SOAT1: variants seen among roughly 807,000 people sequenced by gnomAD.
The protein encoded by SOAT1 is acyl-coenzyme A:cholesterol acyltransferase 1.
A neutral mutation model predicts 69.5 loss-of-function variants in SOAT1; 55 were observed. The ratio of observed to expected loss-of-function variants is 0.79; its 90% CI spans 0.64 to 0.99. The LOEUF (loss-of-function observed/expected upper bound fraction) is 0.99. Among genes scored for constraint, SOAT1 ranks in the 50% least tolerant of loss-of-function variants. The pLI is 0.00. For missense variants in SOAT1, 580 were observed against 669.3 expected (o/e 0.87, Z 1.47); for synonymous variants, 231 against 224.7 (o/e 1.03, Z -0.25).
rs201233803 is a variant in SOAT1, at chr1:179,345,038, G to A, written c.1079G>A (p.Arg360His). Residue 360 changes from arginine (R) to histidine (H), a missense_variant, in exon 11 of 16, where the codon CGT (arginine) becomes CAT (histidine). By Grantham distance (29) the Arg-to-His change is conservative. Transcript: ENST00000367619. ...RNIKQEPFSARVLVLCVFNSI... is the reference protein window; with the variant it reads ...RNIKQEPFSAHVLVLCVFNSI... ...ATCAAACAGGAGCCCTTCAGCGCTCGTGTTCTGGTCCTATGTGTATTTAAC... is the reference window on the plus strand; with the variant it reads ...ATCAAACAGGAGCCCTTCAGCGCTCATGTTCTGGTCCTATGTGTATTTAAC... 2.5e-5 allele frequency: 40 copies of A among 1,613,872 alleles called. No homozygotes were observed. Among genetic ancestry groups the A allele is most frequent in the Admixed American group, 2.0e-4 (12 of 60,002 alleles).
intron 11 of SOAT1, among the ~76,000 whole-genome samples, chr1:179,345,672 G>A (rs1433185595): frequency 1.3e-5 from 2 of 151,228 alleles, no homozygotes; most frequent in African/African-American, 4.9e-5. Flanking sequence ...TGATCCTCTC[G>A]CCTCAGTAGC....
At chr1:179,321,822 G>C (rs1198536135) in intron 2 of SOAT1, among the ~76,000 whole-genome samples, 2 of 149,872 alleles carry the variant, frequency 1.3e-5, no homozygotes, top group African/African-American at 4.9e-5. Context: ...AATCTTGTTT[G>C]TTTTCAAATC....
At position 179,339,573 on chromosome 1, in the gene SOAT1, A is replaced by G. The variant is rs200100913; in HGVS notation, c.497+28A>G. ...AAGACAACAAAAAAGATGGCTGGCTAGTTGATGCATGAGAAGTTAGAGGTT... is the reference window on the plus strand; with the variant it reads ...AAGACAACAAAAAAGATGGCTGGCTGGTTGATGCATGAGAAGTTAGAGGTT... On this transcript the variant is annotated intron_variant, in intron 6 of 15. Coordinates refer to ENST00000367619, the MANE Select transcript of SOAT1 (RefSeq NM_003101.6). The G allele has an allele frequency of 7.9e-5, 114 of 1,443,494 alleles. No homozygotes were observed. The East Asian group carries it at 2.5e-3, about 32-fold the overall frequency. The allele number at this position is 1,443,494 out of a possible 1,614,324, so 89.4% of individuals were successfully genotyped here.
At chr1:179,348,760 A>T (rs937869375) in intron 12 of SOAT1, 84 bp from the exon 13 acceptor site, 2 of 593,798 alleles carry the variant, frequency 3.4e-6, no homozygotes, top group African/African-American at 2.1e-5. Context: ...TTCGGGTGGG[A>T]TGTGTGTGTG....
chr1:179,299,743 ATCTTTTT>A, intron 1 of SOAT1, among the ~76,000 whole-genome samples: 1 of 64,776 alleles, frequency 1.5e-5, no homozygotes, highest in African/African-American at 6.0e-5. Context: ...TCATTTTGCT[ATCTTTTT>A]TTTTTTTTTT....
Position 179,343,052 on chromosome 1 carries a change from T to G in SOAT1, c.941+109T>G, listed in dbSNP as rs190174079. On this transcript the variant is annotated intron_variant, in intron 9 of 15. Transcript: ENST00000367619. ...ATGTAGGGACATAGAAAATATAGAA[T>G]GAGTTTTCATTTTCTGTCTGACCTG... is the stretch of plus-strand genomic sequence containing the variant. 3 of 816,600 alleles carry G rather than the reference T, an allele frequency of 3.7e-6. No individual in the cohort carries two copies. In the East Asian group the frequency reaches 7.3e-5, roughly 20 times the overall value. The allele number at this position is 816,600 out of a possible 1,614,324, so 50.6% of individuals were successfully genotyped here.
At position 179,340,666 on chromosome 1, in the gene SOAT1, A is replaced by G. The variant is rs531879914; in HGVS notation, c.498-362A>G. ...GTACATAAGAACGATTGCTGTTTGAATATTTTCCATAGAATATTTTACAGT... is the reference window on the plus strand; with the variant it reads ...GTACATAAGAACGATTGCTGTTTGAGTATTTTCCATAGAATATTTTACAGT... On this transcript the variant is annotated intron_variant, in intron 6 of 15. Transcript: ENST00000367619. Among the ~76,000 whole-genome samples the G allele has an allele frequency of 9.9e-5, 15 of 152,282 alleles. No homozygotes were observed. In the East Asian group the frequency reaches 2.5e-3, roughly 25 times the overall value.
intron 2 of SOAT1, among the ~76,000 whole-genome samples, chr1:179,306,536 A>T (rs1665009799): frequency 6.6e-6 from 1 of 152,166 alleles, no homozygotes; most frequent in Non-Finnish European, 1.5e-5. Context: ...AAGCGTTAAA[A>T]GTAGCACCAC....
At chr1:179,306,036 C>T (rs1030373289) in intron 2 of SOAT1, among the ~76,000 whole-genome samples, 1 of 152,174 alleles carries the variant, frequency 6.6e-6, no homozygotes, top group African/African-American at 2.4e-5. Flanking sequence ...TGGGAGAGGG[C>T]TTTCAATCCA....
rs1333376282 is a variant in SOAT1 at position 179,323,463 on chromosome 1, G to A, written c.145G>A (p.Ala49Thr). Residue 49 changes from alanine to threonine, a missense_variant, in exon 3 of 16, where the codon GCA becomes ACA. By Grantham distance (58) the Ala-to-Thr change is moderately conservative. Coordinates refer to ENST00000367619, the MANE Select transcript of SOAT1 (RefSeq NM_003101.6). ...TCGAATTGACATAAAACAGTTGATA[G>A]CAAAGAAGATAAAGTTGACAGCAGA... Reference protein sequence around the residue: ...NGRIDIKQLIAKKIKLTAEAE... With the variant: ...NGRIDIKQLITKKIKLTAEAE... The A allele has an allele frequency of 6.2e-7, 1 of 1,613,818 alleles. No individual in the cohort carries two copies. Among genetic ancestry groups the A allele is most frequent in the Admixed American group, 1.7e-5 (1 of 59,998 alleles).
At chr1:179,313,065 A>G (rs542535235) in intron 2 of SOAT1, among the ~76,000 whole-genome samples, 2 of 152,312 alleles carry the variant, frequency 1.3e-5, no homozygotes, top group African/African-American at 4.8e-5. Flanking sequence ...AGTGTTCACC[A>G]TGGCTGTGTT....
chr1:179,307,792 C>CTT (rs374097712), intron 2 of SOAT1, among the ~76,000 whole-genome samples: 17 of 140,436 alleles, frequency 1.2e-4, no homozygotes, highest in African/African-American at 3.1e-4. Context: ...AAGGTATTAT[C>CTT]TTTTTTTTTT....
chr1:179,342,080 T>A, intron 7 of SOAT1, 34 bp from the exon 8 acceptor site: 1 of 1,612,886 alleles, frequency 6.2e-7, no homozygotes, highest in Admixed American at 1.7e-5. Flanking sequence ...GAGACTTTCT[T>A]TGAAGAGACA....
chr1:179,348,012 TC>T (rs1666594863), intron 12 of SOAT1, among the ~76,000 whole-genome samples: 1 of 152,242 alleles, frequency 6.6e-6, no homozygotes, highest in African/African-American at 2.4e-5. Flanking sequence ...CCCTGAGTGT[TC>T]ATTCATTTGA....
intron 3 of SOAT1, among the ~76,000 whole-genome samples, chr1:179,326,860 A>T (rs1665812755): frequency 6.6e-6 from 1 of 152,054 alleles, no homozygotes. Flanking sequence ...GCACCCAGCC[A>T]ATTGCAATGT....
At chr1:179,349,301 GT>G (rs1666640929) in intron 13 of SOAT1, among the ~76,000 whole-genome samples, 1 of 142,956 alleles carries the variant, frequency 7.0e-6, no homozygotes, top group South Asian at 2.3e-4. Context: ...TTTTTCATTC[GT>G]TTTTCATGGT....
rs769913020 is a variant in SOAT1 at position 179,335,647 on chromosome 1, C to T, written c.319C>T (p.His107Tyr). 1 of 1,611,966 alleles carries T rather than the reference C, an allele frequency of 6.2e-7. No individual in the cohort carries two copies. The change falls in exon 4 of 16, where the codon CAT becomes TAT. Residue 107 changes from histidine to tyrosine, a missense_variant. Transcript: ENST00000367619. ...TGTTCTTGAAGGAGAGAAAAACAAC[C>T]ATAGAGCGAAGTAAGTATGTGCTAT... Reference protein sequence around the residue: ...FSVLEGEKNNHRAKDLRAPPE... With the variant: ...FSVLEGEKNNYRAKDLRAPPE...
chr1:179,300,469 C>T (rs941063989), intron 1 of SOAT1, among the ~76,000 whole-genome samples: 1 of 152,144 alleles, frequency 6.6e-6, no homozygotes, highest in East Asian at 1.9e-4. Flanking sequence ...GATATCATAA[C>T]ATTTCTACTT....
intron 1 of SOAT1, among the ~76,000 whole-genome samples, chr1:179,300,200 TGTAAA>T (rs1664789924): frequency 6.6e-6 from 1 of 152,164 alleles, no homozygotes; most frequent in Non-Finnish European, 1.5e-5. Flanking sequence ...CATTATTCCT[TGTAAA>T]ATTCCTCTCT....
Sources: gnomAD v4.1 joint callset for allele counts (sites outside exome capture counted in the v4.1 genomes callset) on GRCh38, gnomAD v4.1.1 for gene constraint, MANE v1.5 for transcripts, NCBI Gene and HGNC (gene_info 2026-07-23, HGNC 2026-07-21) for gene names.